Variants in MGAT4C observed in about 807,000 individuals in gnomAD.
MGAT4C encodes the protein alpha-1,3-mannosyl-glycoprotein 4-beta-N-acetylglucosaminyltransferase C.
MGAT4C carries 19 observed loss-of-function variants against 40.1 expected under a neutral mutation model. That is an observed-to-expected ratio of 0.47 (90% CI 0.33 to 0.70). The LOEUF (loss-of-function observed/expected upper bound fraction) is 0.70, where lower values mean the gene tolerates loss of function less well. MGAT4C is among the 30% of genes least tolerant of loss of function. The pLI is 0.02. For synonymous variants in MGAT4C, 181 were observed against 187.1 expected (o/e 0.97, Z 0.27); for missense variants, 491 against 563.2 (o/e 0.87, Z 1.30).
At chr12:86,731,388 T>C (rs1020161852) in intron 1 of MGAT4C, among the ~76,000 whole-genome samples, 1 of 152,102 alleles carries the variant, frequency 6.6e-6, no homozygotes, top group Non-Finnish European at 1.5e-5. Flanking sequence ...CAAATAAATT[T>C]CTTGTATGTT....
At chr12:86,109,361 A>G (rs1442799983) in intron 1 of MGAT4C, among the ~76,000 whole-genome samples, 1 of 152,126 alleles carries the variant, frequency 6.6e-6, no homozygotes, top group African/African-American at 2.4e-5. Flanking sequence ...TGGCAATACA[A>G]AGAAGTCATA....
At chr12:86,398,945 C>CT (rs1229738093) in intron 3 of MGAT4C, among the ~76,000 whole-genome samples, 1 of 151,858 alleles carries the variant, frequency 6.6e-6, no homozygotes, top group African/African-American at 2.4e-5. Context: ...AGATGACAGG[C>CT]TTTTTGTCCA....
At chr12:86,117,173 A>G (rs1303296969) in intron 1 of MGAT4C, among the ~76,000 whole-genome samples, 1 of 152,156 alleles carries the variant, frequency 6.6e-6, no homozygotes, top group Non-Finnish European at 1.5e-5. Flanking sequence ...TTTCCTTCAG[A>G]ACAATAAATA....
chr12:86,469,709 G>C (rs2136302684), intron 2 of MGAT4C, among the ~76,000 whole-genome samples: 1 of 152,212 alleles, frequency 6.6e-6, no homozygotes, highest in Non-Finnish European at 1.5e-5. Flanking sequence ...CTGTGGCCTT[G>C]TAAGAGCCCA....
chr12:86,571,411 A>G (rs550822499), intron 2 of MGAT4C, among the ~76,000 whole-genome samples: 1 of 152,052 alleles, frequency 6.6e-6, no homozygotes, highest in African/African-American at 2.4e-5. Flanking sequence ...ATAAGTGTGT[A>G]TATATATATG....
At chr12:86,651,753 T>G (rs1490399246) in intron 2 of MGAT4C, among the ~76,000 whole-genome samples, 2 of 151,854 alleles carry the variant, frequency 1.3e-5, no homozygotes, top group African/African-American at 4.8e-5. Flanking sequence ...ATGAAATCAC[T>G]GGATTTCATT....
At chr12:86,423,485 A>G (rs1022744269) in intron 3 of MGAT4C, among the ~76,000 whole-genome samples, 1 of 152,072 alleles carries the variant, frequency 6.6e-6, no homozygotes, top group African/African-American at 2.4e-5. Context: ...ACAACTAAAA[A>G]TTTGACTATC....
At chr12:86,588,486 C>A (rs1593017343) in intron 2 of MGAT4C, among the ~76,000 whole-genome samples, 1 of 151,974 alleles carries the variant, frequency 6.6e-6, no homozygotes, top group Admixed American at 6.6e-5. Flanking sequence ...CAACATTAGA[C>A]AGATCAACAA....
chr12:86,120,865 A>G (rs1384600553), intron 1 of MGAT4C, among the ~76,000 whole-genome samples: 1 of 152,240 alleles, frequency 6.6e-6, no homozygotes, highest in Admixed American at 6.5e-5. Flanking sequence ...GCTCCTTGCC[A>G]GCAATGGAAC....
At chr12:86,127,015 G>T (rs1327655240) in intron 1 of MGAT4C, among the ~76,000 whole-genome samples, 1 of 152,176 alleles carries the variant, frequency 6.6e-6, no homozygotes, top group Non-Finnish European at 1.5e-5. Flanking sequence ...TCACAATAGG[G>T]TTCACACTCC....
At chr12:86,644,990 T>A (rs1010161816) in intron 2 of MGAT4C, among the ~76,000 whole-genome samples, 3 of 151,742 alleles carry the variant, frequency 2.0e-5, no homozygotes, top group Non-Finnish European at 3.0e-5. Context: ...CATTCTTTTG[T>A]ATGTTGTGCT....
chr12:86,564,394 A>G (rs1164382864), intron 2 of MGAT4C, among the ~76,000 whole-genome samples: 1 of 152,056 alleles, frequency 6.6e-6, no homozygotes, highest in African/African-American at 2.4e-5. Flanking sequence ...TCAGGGGTAT[A>G]TCAACTCTCT....
chr12:86,344,228 A>G (rs1021715135), intron 3 of MGAT4C, among the ~76,000 whole-genome samples: 7 of 152,260 alleles, frequency 4.6e-5, no homozygotes, highest in Non-Finnish European at 7.3e-5. Context: ...TGGACTCAAT[A>G]CATTTAAAAG....
chr12:86,543,576 T>C (rs1315800853), intron 2 of MGAT4C, among the ~76,000 whole-genome samples: 2 of 152,082 alleles, frequency 1.3e-5, no homozygotes, highest in African/African-American at 4.8e-5. Context: ...TTGCATTAAT[T>C]TATATAGAAA....
chr12:86,035,194 T>A (rs957810686), intron 2 of MGAT4C, among the ~76,000 whole-genome samples: 2 of 150,140 alleles, frequency 1.3e-5, no homozygotes, highest in African/African-American at 4.8e-5. Context: ...ACCAGCAGTG[T>A]AAAAGCATTT....
At chr12:86,274,293 A>G (rs770714893) in intron 4 of MGAT4C, among the ~76,000 whole-genome samples, 8 of 152,286 alleles carry the variant, frequency 5.3e-5, no homozygotes, top group Non-Finnish European at 1.0e-4. Context: ...AAAATTTGAC[A>G]TGAGATTTGG....
chr12:86,711,344 A>T (rs926976605), intron 2 of MGAT4C, among the ~76,000 whole-genome samples: 4 of 152,086 alleles, frequency 2.6e-5, no homozygotes, highest in African/African-American at 9.7e-5. Context: ...AGCTGCCAGT[A>T]CCAGGAGCTG....
chr12:86,323,417 ATAATAT>A (rs1223471670), intron 4 of MGAT4C, among the ~76,000 whole-genome samples: 3 of 151,844 alleles, frequency 2.0e-5, no homozygotes, highest in African/African-American at 7.2e-5. Flanking sequence ...ATTTCCTAAA[ATAATAT>A]TAAAGGGATG....
At chr12:86,764,243 A>C (rs1340162909) in intron 1 of MGAT4C, among the ~76,000 whole-genome samples, 2 of 152,160 alleles carry the variant, frequency 1.3e-5, no homozygotes, top group African/African-American at 4.8e-5. Flanking sequence ...TCCTATGCCC[A>C]CGGAGTCTCG....
Sources: allele counts gnomAD v4.1 joint callset (sites outside exome capture counted in the v4.1 genomes callset), GRCh38; gene constraint gnomAD v4.1.1; transcripts MANE v1.5; gene names NCBI Gene and HGNC (gene_info 2026-07-23, HGNC 2026-07-21).